PHF19: variants seen among roughly 807,000 people sequenced by gnomAD.
PHF19 encodes the protein polycomb like 3.
In PHF19, 21 loss-of-function variants were observed where a neutral mutation model predicts 79.8. That is an observed-to-expected ratio of 0.26 (90% CI 0.19 to 0.38). PHF19 has a LOEUF of 0.38. Among genes scored for constraint, PHF19 ranks in the 10% least tolerant of loss-of-function variants. The pLI is 1.00. For missense variants in PHF19, 445 were observed against 744.2 expected (o/e 0.60, Z 4.68); for synonymous variants, 273 against 296.3 (o/e 0.92, Z 0.81).
chr9:120,865,595 A>G, intron 9 of PHF19, 115 bp downstream of exon 9: 1 of 1,315,704 alleles, frequency 7.6e-7, no homozygotes, highest in Non-Finnish European at 1.1e-6. Context: ...GCCTGGACTC[A>G]GGGATGCAGC....
chr9:120,861,239 GCTGCCT>G, intron 12 of PHF19, 65 bp from the exon 13 acceptor site: 1 of 924,820 alleles, frequency 1.1e-6, no homozygotes, highest in Non-Finnish European at 1.8e-6. Flanking sequence ...TCCCACACAG[GCTGCCT>G]CCTATCCAGC....
intron 12 of PHF19, 35 bp from the exon 13 acceptor site, chr9:120,861,209 C>G: frequency 4.1e-6 from 5 of 1,212,202 alleles, no homozygotes; most frequent in Non-Finnish European, 6.1e-6. Flanking sequence ...AAGGGTCAGA[C>G]AGCGAGTATC....
At position 120,870,679 on chromosome 9, in the gene PHF19, T is replaced by A; in HGVS notation, c.269-141A>T. ...CACCTCACTGAATCTCCCCAACCACTCTGAGATGCCTATCATCATTACCAT... is the reference window on the plus strand; with the variant it reads ...CACCTCACTGAATCTCCCCAACCACACTGAGATGCCTATCATCATTACCAT... On this transcript the variant is annotated intron_variant, in intron 3 of 14. Transcript: ENST00000373896. This position sits in a 1 kb window ranked among gnomAD's most constrained non-coding sequence, Gnocchi z 4.4. The A allele has an allele frequency of 1.6e-6, 1 of 611,912 alleles. No homozygotes were observed. Among genetic ancestry groups the A allele is most frequent in the East Asian group, 2.8e-5 (1 of 35,340 alleles). The allele number at this position is 611,912 out of a possible 1,614,324, so 37.9% of individuals were successfully genotyped here. A position where few individuals can be genotyped will look rare whatever the true frequency, so the allele number is the denominator to read the frequency against.
intron 14 of PHF19, among the ~76,000 whole-genome samples, 180 bp from the exon 15 acceptor site, chr9:120,858,466 A>T (rs1588084747): frequency 6.6e-6 from 1 of 152,278 alleles, no homozygotes; most frequent in East Asian, 1.9e-4. Flanking sequence ...TCCCTGAGAT[A>T]ATCTATGCCT....
rs2131516327 is a variant in PHF19 at position 120,866,177 on chromosome 9, T to C, written c.711-81A>G. 2.1e-6 allele frequency: 2 copies of C among 972,738 alleles called. No individual in the cohort carries two copies. The highest frequency in any genetic ancestry group is 4.8e-5 in the East Asian group (2 of 41,638). 60.3% of individuals were successfully genotyped at this position (972,738 alleles called of 1,614,324 possible). On this transcript the variant is annotated intron_variant, in intron 7 of 14. Coordinates refer to ENST00000373896, the MANE Select transcript of PHF19 (RefSeq NM_015651.3). The surrounding 1 kb of genome is among the most constrained non-coding windows in gnomAD (Gnocchi z 5.2). ...CCAGTCCAGCCCCTTGATCTCCTCA[T>C]TCCCCACCTACCTTCCCATAATCTT...
At chr9:120,875,652 C>G (rs2046025263) in intron 1 of PHF19, among the ~76,000 whole-genome samples, 1 of 152,214 alleles carries the variant, frequency 6.6e-6, no homozygotes, top group African/African-American at 2.4e-5. Flanking sequence ...TTCATTCATT[C>G]ACCCAATAAC....
intron 1 of PHF19, among the ~76,000 whole-genome samples, chr9:120,883,980 C>G (rs779871256): frequency 3.3e-5 from 5 of 152,110 alleles, no homozygotes; most frequent in Non-Finnish European, 7.4e-5. Flanking sequence ...ACTCGGTAAC[C>G]TAGGATGGGT....
In PHF19 at chr9:120,870,391, C is replaced by T. The variant is rs1014172452; in HGVS notation, c.364+52G>A. On this transcript the variant is annotated intron_variant, in intron 4 of 14. Transcript: ENST00000373896. The surrounding 1 kb of genome is among the most constrained non-coding windows in gnomAD (Gnocchi z 4.4). ...CAGCAGTACCCGTCAGGGGCCAGTG[C>T]GTGGGGACCTATAGGTCGGGGCCTT... 1.3e-5 allele frequency: 15 copies of T among 1,116,344 alleles called. No individual in the cohort carries two copies. The highest frequency in any genetic ancestry group is 3.1e-5 in the African/African-American group (2 of 65,220). The allele number at this position is 1,116,344 out of a possible 1,614,324, so 69.2% of individuals were successfully genotyped here.
Position 120,873,258 on chromosome 9 carries a change from G to A in PHF19, c.268+721C>T, listed in dbSNP as rs540700098. Reference sequence around the variant, plus strand: ...GATTGACAGGCAGTAGCTGCTTGGGGCTCCAAGTTGAAAGTACATGTGTTG... The same window carrying A: ...GATTGACAGGCAGTAGCTGCTTGGGACTCCAAGTTGAAAGTACATGTGTTG... On this transcript the variant is annotated intron_variant, in intron 3 of 14. Coordinates refer to ENST00000373896, the MANE Select transcript of PHF19 (RefSeq NM_015651.3). 2.0e-5 allele frequency among the ~76,000 whole-genome samples: 3 copies of A among 152,308 alleles called. No individual in the cohort carries two copies. In the East Asian group the frequency reaches 5.8e-4, roughly 29 times the overall value.
At chr9:120,872,679 TTTTTC>T (rs1244742413) in intron 3 of PHF19, among the ~76,000 whole-genome samples, 2 of 151,654 alleles carry the variant, frequency 1.3e-5, no homozygotes, top group Admixed American at 6.6e-5. Context: ...TTTTTTTTTC[TTTTTC>T]TTTTCTTTTT....
rs567727205 is a variant in PHF19 at position 120,873,780 on chromosome 9, G to A, written c.268+199C>T. 9.8e-5 allele frequency among the ~76,000 whole-genome samples: 15 copies of A among 152,340 alleles called. No homozygotes were observed. The East Asian group carries it at 2.9e-3, about 29-fold the overall frequency. On this transcript the variant is annotated intron_variant, in intron 3 of 14. Transcript: ENST00000373896. ...TCCCTCCTGGGGTATGAATTCTCAA[G>A]GGGATGACTCATGTCCTAAGTACCT...
rs1009711026 is a variant in PHF19, at chr9:120,869,720, C to T, written c.465+125G>A. On this transcript the variant is annotated intron_variant, in intron 5 of 14. Transcript: ENST00000373896. This position sits in a 1 kb window ranked among gnomAD's most constrained non-coding sequence, Gnocchi z 5.8. The stretch of plus-strand genomic sequence containing the variant: ...CTGGCCAAGGACAGTGGCAGAGGCG[C>T]TATCTGTCTCCAAAGCCCAGGTGTG... 6.4e-7 allele frequency: 1 copy of T among 1,561,122 alleles called. No individual in the cohort carries two copies. Among genetic ancestry groups the T allele is most frequent in the Non-Finnish European group, 8.7e-7 (1 of 1,151,770 alleles).
intron 3 of PHF19, among the ~76,000 whole-genome samples, chr9:120,872,037 C>CAAAAAAAAAAAAAAAAAAAAAA (rs1170243737): frequency 6.6e-5 from 2 of 30,320 alleles, no homozygotes; most frequent in African/African-American, 2.7e-4. Context: ...GACTCTGTCT[C>CAAAAAAAAAAAAAAAAAAAAAA]AAAAAAAAAA....
intron 1 of PHF19, 30 bp downstream of exon 1, chr9:120,877,061 G>T (rs2046084175): frequency 1.0e-6 from 1 of 985,400 alleles, no homozygotes; most frequent in South Asian, 4.7e-5. Context: ...AGAGCGTGGC[G>T]GGGAGTCCGC....
In PHF19 at chr9:120,866,490, G is replaced by A. The variant is rs761637367; in HGVS notation, c.710+380C>T. On this transcript the variant is annotated intron_variant, in intron 7 of 14. Transcript: ENST00000373896. The surrounding 1 kb of genome is among the most constrained non-coding windows in gnomAD (Gnocchi z 5.2). ...AGGACTCCATTAGCTTTGCTCCGTC[G>A]GTTAGAAGCCACATTAAGCCATCCA... 1.3e-5 allele frequency among the ~76,000 whole-genome samples: 2 copies of A among 152,132 alleles called. No homozygotes were observed. Among genetic ancestry groups the A allele is most frequent in the African/African-American group, 2.4e-5 (1 of 41,420 alleles).
intron 6 of PHF19, chr9:120,868,718 G>A: frequency 1.7e-6 from 1 of 582,228 alleles, no homozygotes; most frequent in South Asian, 7.2e-5. Context: ...GCCCCTTGAG[G>A]CCTCGCCTCC....
upstream of PHF19, among the ~76,000 whole-genome samples, chr9:120,897,745 G>A (rs1042069066): frequency 3.3e-5 from 5 of 151,946 alleles, no homozygotes; most frequent in African/African-American, 4.8e-5. Context: ...TTGGCAGGCC[G>A]AGGCAGGCGG....
rs138615801 is a variant in PHF19 at position 120,863,378 on chromosome 9, T to C, written c.969-629A>G. On this transcript the variant is annotated intron_variant, in intron 10 of 14. Coordinates refer to ENST00000373896, the MANE Select transcript of PHF19 (RefSeq NM_015651.3). Reference sequence around the variant, plus strand: ...GAGGACCTTATTTTATTCCCCACCATGACCTCAGCACCCAGACAGGCCCGA... The same window carrying C: ...GAGGACCTTATTTTATTCCCCACCACGACCTCAGCACCCAGACAGGCCCGA... 2.2e-3 allele frequency among the ~76,000 whole-genome samples: 336 copies of C among 151,924 alleles called. 1 individual carries two copies. The highest frequency in any genetic ancestry group is 7.4e-3 in the African/African-American group (307 of 41,464).
At chr9:120,872,110 G>C (rs922270588) in intron 3 of PHF19, among the ~76,000 whole-genome samples, 1 of 142,140 alleles carries the variant, frequency 7.0e-6, no homozygotes, top group African/African-American at 2.6e-5. Context: ...GGACCTCATA[G>C]AGTGTGGCAT....
Sources: gnomAD v4.1 joint callset for allele counts (sites outside exome capture counted in the v4.1 genomes callset) on GRCh38, gnomAD v4.1.1 for gene constraint, Gnocchi (gnomAD v3.1) non-coding constraint, MANE v1.5 for transcripts, NCBI Gene and HGNC (gene_info 2026-07-23, HGNC 2026-07-21) for gene names.